The following GRIP1 variants were observed in gnomAD, a reference collection of about 807,000 sequenced individuals.
GRIP1 encodes glutamate receptor-interacting protein 1.
Under a neutral mutation model 129.9 loss-of-function variants are expected in GRIP1, and 45 were observed. The observed-to-expected ratio is 0.35, with a 90% CI of 0.27 to 0.44. GRIP1 has a LOEUF of 0.44. Among genes scored for constraint, GRIP1 ranks in the 20% least tolerant of loss-of-function variants. The probability of loss-of-function intolerance (pLI) is 1.00; values close to 1 mark genes in which losing one functional copy is unlikely to be tolerated. For missense variants in GRIP1, 1,196 were observed against 1,396.8 expected (o/e 0.86, Z 2.29); for synonymous variants, 530 against 520.8 (o/e 1.02, Z -0.24).
chr12:66,997,807 TG>T (rs1441618464), intron 1 of GRIP1, among the ~76,000 whole-genome samples: 3 of 152,186 alleles, frequency 2.0e-5, no homozygotes, highest in Non-Finnish European at 4.4e-5. Context: ...ACTTATAATT[TG>T]CAGAGCTGAG....
chr12:66,877,803 T>TA, intron 1 of GRIP1, among the ~76,000 whole-genome samples: 1 of 152,202 alleles, frequency 6.6e-6, no homozygotes, highest in Non-Finnish European at 1.5e-5. Context: ...ACTATGCTTA[T>TA]AAATTCATTT....
At chr12:67,006,001 A>G (rs919412255) in intron 1 of GRIP1, among the ~76,000 whole-genome samples, 17 of 152,242 alleles carry the variant, frequency 1.1e-4, no homozygotes, top group African/African-American at 3.6e-4. Context: ...ACTTCCATGC[A>G]TAATATCCAC....
intron 1 of GRIP1, among the ~76,000 whole-genome samples, chr12:66,952,789 T>A (rs2041778774): frequency 6.6e-6 from 1 of 152,236 alleles, no homozygotes; most frequent in South Asian, 2.1e-4. Flanking sequence ...TATTTGCTGC[T>A]GGATGAATGA....
At chr12:66,566,460 G>C (rs2062760748) in intron 2 of GRIP1, among the ~76,000 whole-genome samples, 1 of 152,158 alleles carries the variant, frequency 6.6e-6, no homozygotes, top group Non-Finnish European at 1.5e-5. Flanking sequence ...TGCATCTCAA[G>C]GGATGAAGCC....
At chr12:66,479,088 A>T (rs1243174547) in intron 7 of GRIP1, among the ~76,000 whole-genome samples, 1 of 117,590 alleles carries the variant, frequency 8.5e-6, no homozygotes, top group Non-Finnish European at 1.7e-5. Context: ...TAGCCCTAAA[A>T]TGTGAGAGAT....
intron 1 of GRIP1, among the ~76,000 whole-genome samples, chr12:66,857,095 C>T (rs2040019004): frequency 6.6e-6 from 1 of 152,084 alleles, no homozygotes. Flanking sequence ...AAGCTGGAAA[C>T]CATCATTCTC....
intron 23 of GRIP1, among the ~76,000 whole-genome samples, 168 bp from the exon 24 acceptor site, chr12:66,353,731 G>T (rs2054345411): frequency 6.6e-6 from 1 of 152,158 alleles, no homozygotes. Context: ...CCCACTCCAA[G>T]AATATCTTTG....
intron 1 of GRIP1, among the ~76,000 whole-genome samples, chr12:66,990,548 G>A (rs965990676): frequency 7.9e-5 from 12 of 152,184 alleles, no homozygotes; most frequent in East Asian, 1.9e-4. Flanking sequence ...ATTACTAGTC[G>A]CTTTCTAGCC....
chr12:67,020,445 T>A (rs2042848694), intron 1 of GRIP1, among the ~76,000 whole-genome samples: 1 of 152,228 alleles, frequency 6.6e-6, no homozygotes, highest in Non-Finnish European at 1.5e-5. Context: ...TCTTGCTCTC[T>A]TGCCCAGGCT....
chr12:66,943,520 T>C (rs1429121237), intron 1 of GRIP1, among the ~76,000 whole-genome samples: 1 of 152,234 alleles, frequency 6.6e-6, no homozygotes, highest in African/African-American at 2.4e-5. Flanking sequence ...AAATACAGTT[T>C]CATGTTTCTC....
intron 7 of GRIP1, among the ~76,000 whole-genome samples, chr12:66,472,565 C>T (rs1243882480): frequency 6.6e-6 from 1 of 152,178 alleles, no homozygotes; most frequent in Non-Finnish European, 1.5e-5. Context: ...CTCCAGTCTG[C>T]AGCTCGCAGC....
At chr12:66,776,191 CAGAT>C (rs1330115141) in intron 1 of GRIP1, among the ~76,000 whole-genome samples, 2 of 152,314 alleles carry the variant, frequency 1.3e-5, no homozygotes, top group Middle Eastern at 3.4e-3. Context: ...GATGACAAAA[CAGAT>C]AGAAGCAAAT....
intron 1 of GRIP1, among the ~76,000 whole-genome samples, chr12:66,837,496 A>G (rs1023580848): frequency 6.6e-6 from 1 of 152,228 alleles, no homozygotes; most frequent in African/African-American, 2.4e-5. Context: ...GGCCTACTGT[A>G]ATTAGCTCAG....
intron 7 of GRIP1, 94 bp from the exon 8 acceptor site, chr12:66,465,516 C>A: frequency 9.1e-7 from 1 of 1,097,450 alleles, no homozygotes; most frequent in Non-Finnish European, 1.4e-6. Flanking sequence ...TTGGTGTTAG[C>A]CTGTTAATTT....
chr12:66,825,211 A>G (rs1157545157), intron 1 of GRIP1, among the ~76,000 whole-genome samples: 1 of 152,166 alleles, frequency 6.6e-6, no homozygotes, highest in East Asian at 1.9e-4. Flanking sequence ...AACAATTCAT[A>G]GGGTCAAATT....
At position 67,051,185 on chromosome 12, in the gene GRIP1, G is replaced by A. The variant is rs532117544; in HGVS notation, c.58+17865C>T. ...CATAGGCAGAGCCTGAACATGAAAC[G>A]GAGGGACTTGGCAGCAACATCAATC... is the stretch of plus-strand genomic sequence containing the variant. On this transcript the variant is annotated intron_variant, in intron 1 of 1. Coordinates refer to the GRIP1 transcript ENST00000643019. Among the ~76,000 whole-genome samples, 4 of 152,198 alleles carry A rather than the reference G, an allele frequency of 2.6e-5. No homozygotes were observed. In the South Asian group the frequency reaches 6.2e-4, roughly 24 times the overall value.
chr12:66,565,084 T>C (rs2062699679), intron 2 of GRIP1, among the ~76,000 whole-genome samples: 1 of 152,246 alleles, frequency 6.6e-6, no homozygotes, highest in African/African-American at 2.4e-5. Context: ...GCTGGTTCAC[T>C]CTGATGGTAG....
At chr12:66,615,668 G>A (rs890486820) in intron 1 of GRIP1, among the ~76,000 whole-genome samples, 1 of 152,142 alleles carries the variant, frequency 6.6e-6, no homozygotes, top group Non-Finnish European at 1.5e-5. Context: ...TTGAAACGGA[G>A]TTTCACTCTT....
chr12:67,042,485 A>C (rs1199512760), intron 1 of GRIP1, among the ~76,000 whole-genome samples: 5 of 152,122 alleles, frequency 3.3e-5, no homozygotes, highest in Admixed American at 3.3e-4. Flanking sequence ...AATCCCTGTA[A>C]TTTCATTCTA....
Sources: gnomAD v4.1 joint callset for allele counts (sites outside exome capture counted in the v4.1 genomes callset) on GRCh38, gnomAD v4.1.1 for gene constraint, MANE v1.5 for transcripts, NCBI Gene and HGNC (gene_info 2026-07-23, HGNC 2026-07-21) for gene names.